The following CPEB3 variants were observed in gnomAD, a reference collection of about 807,000 sequenced individuals.
CPEB3 encodes the protein cytoplasmic polyadenylation element binding protein 3.
Under a neutral mutation model 67.2 loss-of-function variants are expected in CPEB3, and 20 were observed. That is an observed-to-expected ratio of 0.30 (90% CI 0.21 to 0.43). The LOEUF (loss-of-function observed/expected upper bound fraction) is 0.43, where lower values mean the gene tolerates loss of function less well. Ranked by LOEUF, CPEB3 falls within the 20% of genes least tolerant of loss-of-function variation. The pLI is 1.00. For synonymous variants in CPEB3, 376 were observed against 393.1 expected, an observed-to-expected ratio of 0.96 and a Z score of 0.51; for missense variants, 746 against 968.6, an observed-to-expected ratio of 0.77 and a Z score of 3.05.
chr10:92,126,177 T>C (rs1263063489), intron 6 of CPEB3, among the ~76,000 whole-genome samples: 1 of 152,162 alleles, frequency 6.6e-6, no homozygotes, highest in African/African-American at 2.4e-5. Flanking sequence ...AACTGAGTCA[T>C]GACAATGGTG....
At chr10:92,137,500 C>T in intron 6 of CPEB3, 1 of 1,008,044 alleles carries the variant, frequency 9.9e-7, no homozygotes, top group South Asian at 1.3e-5. Flanking sequence ...AGCCACAAGG[C>T]CTTCTGATGT....
At chr10:92,171,515 T>C (rs1847999044) in intron 4 of CPEB3, among the ~76,000 whole-genome samples, 1 of 152,200 alleles carries the variant, frequency 6.6e-6, no homozygotes, top group South Asian at 2.1e-4. Flanking sequence ...GCTCCTGTTT[T>C]GATTGTATAA....
At chr10:92,112,126 CTTTTTTTTTTT>C (rs201432910) in intron 6 of CPEB3, among the ~76,000 whole-genome samples, 106 of 122,036 alleles carry the variant, frequency 8.7e-4, no homozygotes, top group African/African-American at 1.3e-3. Context: ...GACCACGTTC[CTTTTTTTTTTT>C]TTTTTTTTTT....
intron 2 of CPEB3, among the ~76,000 whole-genome samples, chr10:92,214,037 A>T (rs1345210804): frequency 6.6e-6 from 1 of 152,188 alleles, no homozygotes; most frequent in East Asian, 1.9e-4. Flanking sequence ...AATCTCAAGT[A>T]ACACACAACC....
rs549649278 is a variant in CPEB3 at position 92,264,270 on chromosome 10, G to A, written c.-11-23909C>T. 4.6e-5 allele frequency among the ~76,000 whole-genome samples: 7 copies of A among 151,612 alleles called. No individual in the cohort carries two copies. In the South Asian group the frequency reaches 1.5e-3, roughly 31 times the overall value. Reference sequence around the variant, plus strand: ...TTGAACCTGGGAGGTGGAGGTTGCAGTAAGCTGAGATCATGCCACTGCACT... The same window carrying A: ...TTGAACCTGGGAGGTGGAGGTTGCAATAAGCTGAGATCATGCCACTGCACT... On this transcript the variant is annotated intron_variant, in intron 1 of 9. Transcript: ENST00000265997.
chr10:92,264,566 C>T (rs1437083470), intron 1 of CPEB3, among the ~76,000 whole-genome samples: 1 of 151,736 alleles, frequency 6.6e-6, no homozygotes, highest in Non-Finnish European at 1.5e-5. Context: ...AAAAGTCAGG[C>T]TTAGCCTGGC....
chr10:92,096,415 A>G (rs1193015253), intron 7 of CPEB3, among the ~76,000 whole-genome samples: 7 of 152,096 alleles, frequency 4.6e-5, no homozygotes, highest in Non-Finnish European at 1.0e-4. Flanking sequence ...CCTAGGAACA[A>G]CTGTATAGGG....
At chr10:92,115,108 G>A (rs1012793146) in intron 6 of CPEB3, among the ~76,000 whole-genome samples, 10 of 152,202 alleles carry the variant, frequency 6.6e-5, no homozygotes, top group African/African-American at 1.9e-4. Flanking sequence ...GGCGCGGGAG[G>A]AGGAAGTAGA....
At chr10:92,194,553 C>T (rs773748850) in intron 2 of CPEB3, among the ~76,000 whole-genome samples, 1 of 152,030 alleles carries the variant, frequency 6.6e-6, no homozygotes, top group Non-Finnish European at 1.5e-5. Context: ...AGCACTGACA[C>T]GAAGAAACCT....
chr10:92,114,523 T>G (rs1844907956), intron 6 of CPEB3, among the ~76,000 whole-genome samples: 1 of 152,232 alleles, frequency 6.6e-6, no homozygotes, highest in Non-Finnish European at 1.5e-5. Flanking sequence ...AGTCCTAACA[T>G]TTAGTAGCTA....
intron 9 of CPEB3, among the ~76,000 whole-genome samples, chr10:92,079,175 T>C (rs1396293646): frequency 1.3e-5 from 2 of 152,170 alleles, no homozygotes; most frequent in East Asian, 1.9e-4. Flanking sequence ...TGGAATCTGG[T>C]ATATGACTCG....
At chr10:92,283,594 C>T (rs1419245780) in intron 1 of CPEB3, among the ~76,000 whole-genome samples, 2 of 152,110 alleles carry the variant, frequency 1.3e-5, no homozygotes, top group East Asian at 1.9e-4. Flanking sequence ...GCTAATTAGG[C>T]ACCACTGCAG....
intron 2 of CPEB3, among the ~76,000 whole-genome samples, chr10:92,228,353 C>A (rs1851087389): frequency 6.6e-6 from 1 of 152,134 alleles, no homozygotes; most frequent in African/African-American, 2.4e-5. Flanking sequence ...TAATTCTCTG[C>A]TTATCTAGGT....
intron 3 of CPEB3, among the ~76,000 whole-genome samples, chr10:92,189,880 C>G (rs190025965): frequency 1.3e-5 from 2 of 150,144 alleles, no homozygotes; most frequent in African/African-American, 4.9e-5. Flanking sequence ...CTTTTACATA[C>G]TATTTGGATT....
intron 1 of CPEB3, among the ~76,000 whole-genome samples, chr10:92,287,698 C>T (rs1842596663): frequency 6.6e-6 from 1 of 152,114 alleles, no homozygotes; most frequent in South Asian, 2.1e-4. Context: ...TTAAAATTCA[C>T]CCCTTTTAAG....
intron 6 of CPEB3, among the ~76,000 whole-genome samples, chr10:92,120,763 T>C (rs1455489045): frequency 6.6e-6 from 1 of 151,860 alleles, no homozygotes; most frequent in Non-Finnish European, 1.5e-5. Context: ...TGCAGTGGCA[T>C]GATCTCGGCT....
chr10:92,274,806 C>T (rs979095322), intron 1 of CPEB3, among the ~76,000 whole-genome samples: 3 of 152,124 alleles, frequency 2.0e-5, no homozygotes, highest in Non-Finnish European at 4.4e-5. Context: ...GCCTGGGCAA[C>T]AGAGGGAGAC....
At chr10:92,174,071 T>C (rs1281987757) in intron 4 of CPEB3, among the ~76,000 whole-genome samples, 2 of 152,230 alleles carry the variant, frequency 1.3e-5, no homozygotes, top group East Asian at 3.8e-4. Context: ...TTTACTTATA[T>C]CCACTCACAG....
At chr10:92,225,752 A>T (rs1427036392) in intron 2 of CPEB3, among the ~76,000 whole-genome samples, 1 of 152,230 alleles carries the variant, frequency 6.6e-6, no homozygotes, top group Non-Finnish European at 1.5e-5. Flanking sequence ...AAAAGAAATA[A>T]TTAACAGAAA....
Sources: allele counts gnomAD v4.1 joint callset (sites outside exome capture counted in the v4.1 genomes callset), GRCh38; gene constraint gnomAD v4.1.1; transcripts MANE v1.5; gene names NCBI Gene and HGNC (gene_info 2026-07-23, HGNC 2026-07-21).